The following ASIC2 variants were observed in gnomAD, a reference collection of about 807,000 sequenced individuals.
The protein encoded by ASIC2 is acid-sensing ion channel 2.
ASIC2 carries 25 observed loss-of-function variants against 57.3 expected under a neutral mutation model. The observed-to-expected ratio is 0.44, with a 90% CI of 0.32 to 0.61. ASIC2 has a LOEUF of 0.61. ASIC2 is among the 20% of genes least tolerant of loss of function. The pLI, the probability that ASIC2 is intolerant of heterozygous loss-of-function variation, is 0.06. For missense variants in ASIC2, 641 were observed against 738.1 expected, an observed-to-expected ratio of 0.87 and a Z score of 1.52; for synonymous variants, 319 against 307.5, an observed-to-expected ratio of 1.04 and a Z score of -0.39.
intron 1 of ASIC2, among the ~76,000 whole-genome samples, chr17:33,962,844 C>T (rs1283895094): frequency 6.6e-6 from 1 of 152,160 alleles, no homozygotes; most frequent in Non-Finnish European, 1.5e-5. Flanking sequence ...TGTCTCCCAG[C>T]CCAAACTAAT....
chr17:33,291,413 A>G lies in ASIC2; in HGVS notation c.703T>C (p.Ser235Pro). The change falls in exon 1 of 10, where the codon TCC (serine) becomes CCC (proline). Residue 235 changes from serine (S) to proline (P), a missense_variant. Physicochemically the swap from Ser to Pro is moderately conservative, Grantham distance 74. Around this residue, in one of 3 missense-constraint regions of ASIC2, gnomAD observed 382 missense variants for 398.0 expected, o/e 0.96. Transcript: ENST00000225823. ...RGELCGPHNFSSVFTKYGKCY... is the reference protein window; with the variant it reads ...RGELCGPHNFPSVFTKYGKCY... ...TCGCGCGGAGGGCAACTCACGGAGG[A>G]GAAGTTGTGCGGCCCGCAGAGCTCG... 1 of 1,598,122 alleles carries G rather than the reference A, an allele frequency of 6.3e-7. No individual in the cohort carries two copies. Among genetic ancestry groups the G allele is most frequent in the Non-Finnish European group, 8.5e-7 (1 of 1,171,872 alleles).
intron 1 of ASIC2, among the ~76,000 whole-genome samples, chr17:33,367,312 G>A (rs1306429663): frequency 1.3e-5 from 2 of 152,308 alleles, no homozygotes; most frequent in African/African-American, 2.4e-5. Context: ...TAAACTCCAC[G>A]AACTCCCTTA....
chr17:33,328,771 A>T (rs528897248), intron 1 of ASIC2, among the ~76,000 whole-genome samples: 1 of 152,200 alleles, frequency 6.6e-6, no homozygotes, highest in Non-Finnish European at 1.5e-5. Context: ...TCTTTTCTTC[A>T]GCACAGTTGT....
At chr17:33,893,374 T>A (rs1915013040) in intron 1 of ASIC2, among the ~76,000 whole-genome samples, 2 of 152,362 alleles carry the variant, frequency 1.3e-5, no homozygotes, top group South Asian at 2.1e-4. Context: ...TCTGGCTTGC[T>A]GTGTGATCTC....
chr17:33,215,863 C>T lies in ASIC2; in HGVS notation c.708+75545G>A, dbSNP rs371337747. On this transcript the variant is annotated intron_variant, in intron 1 of 9. Coordinates refer to ENST00000225823, the MANE Select transcript of ASIC2 (RefSeq NM_183377.2). ...TACAGGCGCCCGCCACCTCGCCTGG[C>T]TAATTTTTTGTATTTTTAGTAGAGA... is the stretch of plus-strand genomic sequence containing the variant. Among the ~76,000 whole-genome samples, 25 of 152,248 alleles carry T rather than the reference C, an allele frequency of 1.6e-4. 1 individual carries two copies. In the East Asian group the frequency reaches 2.9e-3, roughly 18 times the overall value.
At chr17:33,876,119 C>G (rs1914540696) in intron 1 of ASIC2, among the ~76,000 whole-genome samples, 1 of 152,236 alleles carries the variant, frequency 6.6e-6, no homozygotes, top group African/African-American at 2.4e-5. Context: ...CTGGCACTTA[C>G]TGGCTCTGTT....
At chr17:33,630,489 G>T (rs1015599940) in intron 1 of ASIC2, among the ~76,000 whole-genome samples, 1 of 152,082 alleles carries the variant, frequency 6.6e-6, no homozygotes, top group South Asian at 2.1e-4. Flanking sequence ...GTGCCCCGTG[G>T]AGATGTCTGA....
At chr17:33,133,262 C>T (rs910043178) in intron 1 of ASIC2, among the ~76,000 whole-genome samples, 3 of 152,034 alleles carry the variant, frequency 2.0e-5, no homozygotes, top group Admixed American at 1.3e-4. Context: ...GAGGGCACAG[C>T]GTTGGCAGAG....
At chr17:33,182,809 G>A (rs576362711) in intron 1 of ASIC2, among the ~76,000 whole-genome samples, 1 of 152,238 alleles carries the variant, frequency 6.6e-6, no homozygotes, top group East Asian at 1.9e-4. Context: ...GGTACACAAT[G>A]GTAGACTGCT....
intron 1 of ASIC2, among the ~76,000 whole-genome samples, chr17:33,452,533 G>C (rs577201598): frequency 6.6e-6 from 1 of 152,294 alleles, no homozygotes; most frequent in African/African-American, 2.4e-5. Flanking sequence ...AGAGGTAGTT[G>C]TTAGTGGGTA....
At chr17:33,606,403 T>C (rs1905233311) in intron 1 of ASIC2, among the ~76,000 whole-genome samples, 1 of 152,206 alleles carries the variant, frequency 6.6e-6, no homozygotes, top group Admixed American at 6.5e-5. Flanking sequence ...ACAGCTTTAT[T>C]TGGACCTTTC....
intron 1 of ASIC2, among the ~76,000 whole-genome samples, chr17:33,557,772 A>C (rs2141981407): frequency 6.6e-6 from 1 of 152,142 alleles, no homozygotes. Flanking sequence ...TCCATATCCA[A>C]CTCATCACTA....
At chr17:33,063,107 C>T (rs547961077) in intron 3 of ASIC2, among the ~76,000 whole-genome samples, 13 of 152,256 alleles carry the variant, frequency 8.5e-5, no homozygotes, top group Admixed American at 1.3e-4. Context: ...GGTCTTGACT[C>T]GTTATCCAAT....
chr17:33,397,918 T>C (rs1423793731), intron 1 of ASIC2, among the ~76,000 whole-genome samples: 1 of 152,236 alleles, frequency 6.6e-6, no homozygotes, highest in Non-Finnish European at 1.5e-5. Context: ...CTTATTCTTT[T>C]TGAGTCACAG....
chr17:33,646,802 G>A (rs1436307873), intron 1 of ASIC2, among the ~76,000 whole-genome samples: 1 of 152,078 alleles, frequency 6.6e-6, no homozygotes, highest in Non-Finnish European at 1.5e-5. Context: ...AGGTGTTCTT[G>A]TAATTATCAA....
At chr17:33,174,027 G>A (rs58277333) in intron 1 of ASIC2, among the ~76,000 whole-genome samples, 39,549 of 152,054 alleles carry the variant, frequency 0.26, 6,387 homozygotes, top group Non-Finnish European at 0.36. Flanking sequence ...AAGTACATTT[G>A]CTTCTGGTAG....
intron 1 of ASIC2, among the ~76,000 whole-genome samples, chr17:33,862,669 G>T (rs1914128082): frequency 1.3e-5 from 2 of 151,960 alleles, no homozygotes; most frequent in Admixed American, 1.3e-4. Flanking sequence ...TCCATGACTG[G>T]GCTAATGAGT....
intron 1 of ASIC2, among the ~76,000 whole-genome samples, chr17:33,713,036 G>T (rs974167775): frequency 6.6e-6 from 1 of 152,200 alleles, no homozygotes; most frequent in Admixed American, 6.5e-5. Context: ...AGCTATCAGA[G>T]CAAGTGAAGG....
chr17:33,753,733 T>A (rs1910505519), intron 1 of ASIC2, among the ~76,000 whole-genome samples: 1 of 152,216 alleles, frequency 6.6e-6, no homozygotes, highest in African/African-American at 2.4e-5. Context: ...TGGCGGTGTA[T>A]GAGTGGTTTG....
Sources: gnomAD v4.1 joint callset for allele counts (sites outside exome capture counted in the v4.1 genomes callset) on GRCh38, gnomAD v4.1.1 for gene constraint, gnomAD v4.1.1 regional missense constraint, MANE v1.5 for transcripts, NCBI Gene and HGNC (gene_info 2026-07-23, HGNC 2026-07-21) for gene names.